Variants in RUNX1 observed in about 807,000 individuals in gnomAD.
The protein encoded by RUNX1 is runt-related transcription factor 1.
A neutral mutation model predicts 42.8 loss-of-function variants in RUNX1; 19 were observed. That is an observed-to-expected ratio of 0.44 (90% CI 0.31 to 0.65). RUNX1 has a LOEUF of 0.65. RUNX1 is among the 30% of genes least tolerant of loss of function. The pLI, the probability that RUNX1 is intolerant of heterozygous loss-of-function variation, is 0.07. For synonymous variants in RUNX1, 271 were observed against 289.4 expected (o/e 0.94, Z 0.64); for missense variants, 528 against 672.0 (o/e 0.79, Z 2.37).
At chr21:34,891,021 G>C (rs1420910348) in intron 3 of RUNX1, among the ~76,000 whole-genome samples, 1 of 152,126 alleles carries the variant, frequency 6.6e-6, no homozygotes, top group Non-Finnish European at 1.5e-5. Flanking sequence ...GACTCCAGGG[G>C]AAATAGCAGA....
chr21:34,838,249 A>C (rs1282830290), intron 6 of RUNX1, among the ~76,000 whole-genome samples: 1 of 152,216 alleles, frequency 6.6e-6, no homozygotes, highest in East Asian at 1.9e-4. Flanking sequence ...GTAATATATG[A>C]TCTTCCATTA....
Position 34,886,809 on chromosome 21 carries a change from G to A in RUNX1, c.351+34C>T, listed in dbSNP as rs556236479. The A allele has an allele frequency of 1.2e-5, 19 of 1,611,564 alleles. 1 individual carries two copies. In the Admixed American group the frequency reaches 2.8e-4, roughly 24 times the overall value. On this transcript the variant is annotated intron_variant, in intron 4 of 8. Transcript: ENST00000675419. ...ATCTCCCCCGGCCTCGCCGGCCTCC[G>A]CCTGTCCTCCCACCACCCTCTCCGG...
At chr21:34,961,655 G>T (rs756343098) in intron 2 of RUNX1, among the ~76,000 whole-genome samples, 2 of 152,070 alleles carry the variant, frequency 1.3e-5, no homozygotes, top group East Asian at 1.9e-4. Flanking sequence ...TACTAATAAC[G>T]ACACCTGGCC....
At chr21:34,819,872 C>T (rs1411302578) in intron 7 of RUNX1, among the ~76,000 whole-genome samples, 2 of 152,212 alleles carry the variant, frequency 1.3e-5, no homozygotes, top group Admixed American at 6.5e-5. Flanking sequence ...GCTTCTGGCC[C>T]GCCAGCCCAA....
In RUNX1 at chr21:34,976,669, G is replaced by A. The variant is rs183435349; in HGVS notation, c.58+72173C>T. On this transcript the variant is annotated intron_variant, in intron 2 of 8. Transcript: ENST00000675419. ...AGCCAAATAGGTTGACAATTGATAGGCTATGTGAAAGATTTGATTCAAAAA... is the reference window on the plus strand; with the variant it reads ...AGCCAAATAGGTTGACAATTGATAGACTATGTGAAAGATTTGATTCAAAAA... 6.2e-4 allele frequency among the ~76,000 whole-genome samples: 94 copies of A among 152,282 alleles called. 1 individual carries two copies. The highest frequency in any genetic ancestry group is 7.4e-5 in the Non-Finnish European group (5 of 68,018).
In RUNX1 at chr21:34,909,588, C is replaced by CAAAAAAAAAAAAAAAAAAAAA. The variant is rs10584066; in HGVS notation, c.59-16626_59-16625insTTTTTTTTTTTTTTTTTTTTT. Among the ~76,000 whole-genome samples the CAAAAAAAAAAAAAAAAAAAAA allele has an allele frequency of 1.4e-3, 104 of 74,996 alleles. 3 individuals are homozygous for CAAAAAAAAAAAAAAAAAAAAA. Among genetic ancestry groups the CAAAAAAAAAAAAAAAAAAAAA allele is most frequent in the African/African-American group, 5.5e-3 (88 of 15,980 alleles). 49.2% of individuals were successfully genotyped at this position (74,996 alleles called of 152,430 possible). ...TTATACAGACCAGGTCACTGTTCCT[C>CAAAAAAAAAAAAAAAAAAAAA]AAAAAAAAAAAAAAAAAAAAGATGG... On this transcript the variant is annotated intron_variant, in intron 2 of 8. Transcript: ENST00000675419.
chr21:34,899,243 C>T (rs560333221), intron 2 of RUNX1, among the ~76,000 whole-genome samples: 2 of 152,214 alleles, frequency 1.3e-5, no homozygotes, highest in Admixed American at 1.3e-4. Flanking sequence ...GTTGTTATGG[C>T]CTGAATGTTT....
intron 5 of RUNX1, 125 bp downstream of exon 5, chr21:34,880,432 T>C (rs2057879767): frequency 1.2e-6 from 1 of 848,322 alleles, no homozygotes; most frequent in South Asian, 1.4e-5. Flanking sequence ...GAGCTTGACA[T>C]AGCAATAAGA....
chr21:34,940,265 A>C (rs890425705), intron 2 of RUNX1, among the ~76,000 whole-genome samples: 1 of 152,218 alleles, frequency 6.6e-6, no homozygotes, highest in African/African-American at 2.4e-5. Flanking sequence ...CAGTTTCCAC[A>C]TGAGCCCCAG....
chr21:34,844,811 C>T (rs540856664), intron 6 of RUNX1, among the ~76,000 whole-genome samples: 20 of 152,226 alleles, frequency 1.3e-4, no homozygotes, highest in Non-Finnish European at 2.4e-4. Flanking sequence ...CTGTCACAGA[C>T]GCCAACTGAG....
chr21:34,911,013 T>C (rs2058268002), intron 2 of RUNX1, among the ~76,000 whole-genome samples: 1 of 152,198 alleles, frequency 6.6e-6, no homozygotes, highest in African/African-American at 2.4e-5. Context: ...AAGGTGATCC[T>C]CCTGCCTCAG....
rs773725073 is a variant in RUNX1, at chr21:34,792,407, C to T, written c.1171G>A (p.Ala391Thr). The T allele has an allele frequency of 1.9e-6, 3 of 1,567,332 alleles. No individual in the cohort carries two copies. Residue 391 changes from alanine to threonine, a missense_variant, in exon 9 of 9, where the codon GCG (alanine) becomes ACG (threonine). By Grantham distance (58) the Ala-to-Thr change is moderately conservative (BLOSUM62 0). This residue lies in a region of RUNX1 where 331 missense variants were observed against 382.5 expected (regional missense o/e 0.87). Transcript: ENST00000675419. This position sits in a 1 kb window ranked among gnomAD's most constrained non-coding sequence, Gnocchi z 6.9. ...LPPPYPGSSQ[A>T]QGGPFQASSP... is the part of the protein sequence containing the mutation. ...CTGGCTTGGAACGGGCCTCCCTGCG[C>T]TTGCGACGAGCCGGGGTAGGGCGGC...
chr21:35,048,994 G>T, intron 1 of RUNX1, 36 bp from the exon 2 acceptor site: 1 of 1,005,262 alleles, frequency 9.9e-7, no homozygotes, highest in Non-Finnish European at 1.6e-6. Context: ...CACTGTTTCA[G>T]CCTCACCCCT....
At chr21:34,845,725 CT>C (rs920155928) in intron 6 of RUNX1, among the ~76,000 whole-genome samples, 10 of 148,980 alleles carry the variant, frequency 6.7e-5, no homozygotes, top group East Asian at 3.9e-4. Context: ...CCACCCCCAA[CT>C]TTTTTTTTTA....
At chr21:34,811,696 A>G (rs2145956540) in intron 7 of RUNX1, among the ~76,000 whole-genome samples, 1 of 152,208 alleles carries the variant, frequency 6.6e-6, no homozygotes, top group South Asian at 2.1e-4. Flanking sequence ...AGAGATAATG[A>G]TAGATCCAGG....
intron 5 of RUNX1, among the ~76,000 whole-genome samples, chr21:34,876,256 G>T (rs749421897): frequency 2.6e-5 from 4 of 152,206 alleles, no homozygotes; most frequent in Admixed American, 6.5e-5. Flanking sequence ...CAAAGGCCTG[G>T]CCAGTGGTTT....
At chr21:34,794,422 T>G (rs2056496152) in intron 8 of RUNX1, among the ~76,000 whole-genome samples, 1 of 152,212 alleles carries the variant, frequency 6.6e-6, no homozygotes, top group Admixed American at 6.5e-5. Context: ...AGTACTGCCT[T>G]GAGTTCACCT....
rs2058237087 is a variant in RUNX1 at position 34,907,919 on chromosome 21, G to T, written c.59-14956C>A. ...TTTTGTCCAATCCATTTAGTTTATA[G>T]AGGGAAAAGGAGGCTCTGAAAAGTG... On this transcript the variant is annotated intron_variant, in intron 2 of 8. Coordinates refer to ENST00000675419, the MANE Select transcript of RUNX1 (RefSeq NM_001754.5). This position sits in a 1 kb window ranked among gnomAD's most constrained non-coding sequence, Gnocchi z 5.3. Among the ~76,000 whole-genome samples the T allele has an allele frequency of 6.6e-6, 1 of 152,156 alleles. No individual in the cohort carries two copies. The highest frequency in any genetic ancestry group is 2.4e-5 in the African/African-American group (1 of 41,422).
rs1386213821 is a variant in RUNX1, at chr21:35,048,962, C to G, written c.-59-4G>C. Reference sequence around the variant, plus strand: ...GGGACTCAATGATTTCTTTTACCTTCGGAGCGAAAACCAAGACAGGTCACT... The same window carrying G: ...GGGACTCAATGATTTCTTTTACCTTGGGAGCGAAAACCAAGACAGGTCACT... On this transcript the variant is annotated splice_polypyrimidine_tract_variant and splice_region_variant and intron_variant, in intron 1 of 8. Coordinates refer to ENST00000675419, the MANE Select transcript of RUNX1 (RefSeq NM_001754.5). The G allele has an allele frequency of 5.3e-6, 8 of 1,498,608 alleles. No homozygotes were observed. Among genetic ancestry groups the G allele is most frequent in the Non-Finnish European group, 6.5e-6 (7 of 1,076,650 alleles). 92.8% of individuals were successfully genotyped at this position (1,498,608 alleles called of 1,614,324 possible).
Sources: gnomAD v4.1 joint callset for allele counts (sites outside exome capture counted in the v4.1 genomes callset) on GRCh38, gnomAD v4.1.1 for gene constraint, gnomAD v4.1.1 regional missense constraint, Gnocchi (gnomAD v3.1) non-coding constraint, MANE v1.5 for transcripts, NCBI Gene and HGNC (gene_info 2026-07-23, HGNC 2026-07-21) for gene names.